Variants in PTPRN2 observed in about 807,000 individuals in gnomAD.
PTPRN2 encodes the protein receptor-type tyrosine-protein phosphatase N2.
Under a neutral mutation model 118.8 loss-of-function variants are expected in PTPRN2, and 74 were observed. That is an observed-to-expected ratio of 0.62 (90% CI 0.52 to 0.76). The LOEUF (loss-of-function observed/expected upper bound fraction) is 0.76. PTPRN2 is among the 30% of genes least tolerant of loss of function. The pLI is 0.00. For synonymous variants in PTPRN2, 641 were observed against 608.0 expected (o/e 1.05, Z -0.80); for missense variants, 1,481 against 1,394.4 (o/e 1.06, Z -0.99).
At chr7:157,786,701 C>T (rs375864644) in intron 12 of PTPRN2, among the ~76,000 whole-genome samples, 6 of 152,244 alleles carry the variant, frequency 3.9e-5, no homozygotes, top group African/African-American at 1.4e-4. Context: ...CCTCTCATTG[C>T]AATGTGTTTG....
intron 12 of PTPRN2, among the ~76,000 whole-genome samples, chr7:157,723,280 G>A (rs55770502): frequency 0.15 from 22,883 of 152,094 alleles, 2,136 homozygotes; most frequent in East Asian, 0.48. Context: ...GAATGTCCAC[G>A]GGGACAGCTC....
chr7:158,328,796 C>A (rs1266695063), intron 2 of PTPRN2, among the ~76,000 whole-genome samples: 4 of 118,002 alleles, frequency 3.4e-5, no homozygotes, highest in South Asian at 6.3e-4. Context: ...CCTCCATTCC[C>A]CCCCCCCCGC....
chr7:158,088,203 A>G (rs1428256573), intron 10 of PTPRN2, among the ~76,000 whole-genome samples: 1 of 41,014 alleles, frequency 2.4e-5, no homozygotes, highest in African/African-American at 4.2e-5. Context: ...CCCTGAGGAA[A>G]GAGGGAGTCT....
chr7:157,825,164 C>T (rs568210741), intron 12 of PTPRN2, among the ~76,000 whole-genome samples: 23 of 152,180 alleles, frequency 1.5e-4, no homozygotes, highest in African/African-American at 3.1e-4. Flanking sequence ...GCTGGACATG[C>T]GACTCGGTTC....
chr7:158,163,190 G>A (rs367929042), intron 6 of PTPRN2, among the ~76,000 whole-genome samples: 1 of 152,314 alleles, frequency 6.6e-6, no homozygotes, highest in South Asian at 2.1e-4. Context: ...CCTGTACGGG[G>A]TTCTCAATAT....
chr7:157,944,248 C>T lies in PTPRN2; in HGVS notation c.1724-45511G>A, dbSNP rs925838712. ...TTGACAAAGATTGAGCATGGTTCGT[C>T]GCGAACGCCAGCCTGCCCCCACGGT... On this transcript the variant is annotated intron_variant, in intron 11 of 22. Transcript: ENST00000389418. The surrounding 1 kb of genome is among the most constrained non-coding windows in gnomAD (Gnocchi z 4.3). Among the ~76,000 whole-genome samples the T allele has an allele frequency of 5.9e-5, 9 of 152,224 alleles. No individual in the cohort carries two copies. The highest frequency in any genetic ancestry group is 4.2e-4 in the South Asian group (2 of 4,816).
intron 22 of PTPRN2, 69 bp downstream of exon 22, chr7:157,548,877 C>T (rs1425688530): frequency 6.8e-7 from 1 of 1,468,526 alleles, no homozygotes; most frequent in Non-Finnish European, 9.5e-7. Context: ...CCCCGTGCTC[C>T]TCTCAGGAAC....
In PTPRN2 at chr7:157,785,485, C is replaced by G. The variant is rs1006996961; in HGVS notation, c.1789-102548G>C. ...GGCCCCACTCCCAGACTAGAGCCAG[C>G]ACTCGCGGGCAGGCCTCCCCAGGAC... On this transcript the variant is annotated intron_variant, in intron 12 of 22. Transcript: ENST00000389418. The surrounding 1 kb of genome is among the most constrained non-coding windows in gnomAD (Gnocchi z 7.3). Among the ~76,000 whole-genome samples, 1 of 152,166 alleles carries G rather than the reference C, an allele frequency of 6.6e-6. No homozygotes were observed. The highest frequency in any genetic ancestry group is 1.5e-5 in the Non-Finnish European group (1 of 68,016).
At chr7:157,773,423 G>A (rs912283266) in intron 12 of PTPRN2, among the ~76,000 whole-genome samples, 5 of 152,194 alleles carry the variant, frequency 3.3e-5, no homozygotes, top group African/African-American at 1.2e-4. Context: ...GACGAGCTCT[G>A]CAGTCCCCAC....
intron 2 of PTPRN2, among the ~76,000 whole-genome samples, chr7:158,329,926 T>A (rs1374613279): frequency 6.6e-6 from 1 of 152,058 alleles, no homozygotes; most frequent in South Asian, 2.1e-4. Flanking sequence ...CAGAGTGTCC[T>A]ATTCTGCAAC....
At chr7:158,045,506 AAAG>A (rs1222684076) in intron 11 of PTPRN2, among the ~76,000 whole-genome samples, 9 of 152,208 alleles carry the variant, frequency 5.9e-5, no homozygotes, top group African/African-American at 2.2e-4. Flanking sequence ...GAAGGAGAGG[AAAG>A]AAGAATCAGA....
chr7:157,611,921 G>A lies in PTPRN2; in HGVS notation c.2345-7846C>T, dbSNP rs2150601355. ...GGGGACACGCGGAGGGAGAGCGCCC[G>A]TGTGAAGACGAAGACAGCCGTGGTC... On this transcript the variant is annotated intron_variant, in intron 15 of 22. Transcript: ENST00000389418. This position sits in a 1 kb window ranked among gnomAD's most constrained non-coding sequence, Gnocchi z 5.9. Among the ~76,000 whole-genome samples, 1 of 152,196 alleles carries A rather than the reference G, an allele frequency of 6.6e-6. No homozygotes were observed. The highest frequency in any genetic ancestry group is 1.9e-4 in the East Asian group (1 of 5,150).
At chr7:158,349,900 G>C (rs13307288) in intron 2 of PTPRN2, among the ~76,000 whole-genome samples, 1 of 152,026 alleles carries the variant, frequency 6.6e-6, no homozygotes, top group South Asian at 2.1e-4. Context: ...GGTCCCTGAG[G>C]GCCCCCCGGG....
At chr7:158,585,526 G>A (rs1278160523) in intron 1 of PTPRN2, among the ~76,000 whole-genome samples, 1 of 152,200 alleles carries the variant, frequency 6.6e-6, no homozygotes, top group African/African-American at 2.4e-5. Flanking sequence ...TCAGAGCCGA[G>A]GGAAACATGG....
intron 12 of PTPRN2, among the ~76,000 whole-genome samples, chr7:157,814,189 A>C (rs1331112305): frequency 6.6e-6 from 1 of 152,232 alleles, no homozygotes; most frequent in Non-Finnish European, 1.5e-5. Context: ...CTTGACAGGC[A>C]GGCGAGGAAG....
At chr7:158,571,525 C>CT (rs552051165) in intron 1 of PTPRN2, among the ~76,000 whole-genome samples, 1,849 of 71,764 alleles carry the variant, frequency 0.026, 50 homozygotes, top group East Asian at 0.079. Context: ...ACACCTATTT[C>CT]TTTTTTTTTT....
rs535378965 is a variant in PTPRN2 at position 157,550,024 on chromosome 7, C to T, written c.2903-1005G>A. On this transcript the variant is annotated intron_variant, in intron 21 of 22. Transcript: ENST00000389418. The surrounding 1 kb of genome is among the most constrained non-coding windows in gnomAD (Gnocchi z 5.2). The stretch of plus-strand genomic sequence containing the variant: ...GAAGCCGCAGCCATTGGAACCCCAA[C>T]TACCGTGGGCAGGACAGCGCTGGCC... 6.6e-6 allele frequency among the ~76,000 whole-genome samples: 1 copy of T among 152,370 alleles called. No individual in the cohort carries two copies. Among genetic ancestry groups the T allele is most frequent in the African/African-American group, 2.4e-5 (1 of 41,588 alleles).
Position 158,587,746 on chromosome 7 carries a change from G to A in PTPRN2, c.-77C>T. On this transcript the variant is annotated 5_prime_UTR_variant, in exon 1 of 23. Coordinates refer to ENST00000389418, the MANE Select transcript of PTPRN2 (RefSeq NM_002847.5). ...GGAGGCGGCCGAGTCCGGGCCCAGG[G>A]AGGCGCGCGCCGCCGGCTCCTCCCG... is the stretch of plus-strand genomic sequence containing the variant. 1 of 1,081,428 alleles carries A rather than the reference G, an allele frequency of 9.2e-7. No individual in the cohort carries two copies. Among genetic ancestry groups the A allele is most frequent in the Non-Finnish European group, 1.1e-6 (1 of 893,892 alleles). The allele number at this position is 1,081,428 out of a possible 1,614,324, so 67.0% of individuals were successfully genotyped here.
At chr7:158,227,586 T>C (rs1003663676) in intron 3 of PTPRN2, among the ~76,000 whole-genome samples, 2 of 151,932 alleles carry the variant, frequency 1.3e-5, no homozygotes, top group Non-Finnish European at 2.9e-5. Flanking sequence ...ATTTTATGAG[T>C]AGAATTCACG....
Sources: allele counts gnomAD v4.1 joint callset (sites outside exome capture counted in the v4.1 genomes callset), GRCh38; gene constraint gnomAD v4.1.1; non-coding constraint Gnocchi (gnomAD v3.1); transcripts MANE v1.5; gene names NCBI Gene and HGNC (gene_info 2026-07-23, HGNC 2026-07-21).